Variants in ARHGAP24 observed in about 807,000 individuals in gnomAD.
ARHGAP24 encodes the protein rho GTPase-activating protein 24.
ARHGAP24 carries 50 observed loss-of-function variants against 76.4 expected under a neutral mutation model. The ratio of observed to expected loss-of-function variants is 0.65; its 90% CI spans 0.52 to 0.83. ARHGAP24 has a LOEUF of 0.83. Ranked by LOEUF, ARHGAP24 falls within the 40% of genes least tolerant of loss-of-function variation. ARHGAP24 has a pLI of 0.00. For missense variants in ARHGAP24, 930 were observed against 914.2 expected (o/e 1.02, Z -0.22); for synonymous variants, 345 against 323.3 (o/e 1.07, Z -0.72).
At position 85,509,005 on chromosome 4, in the gene ARHGAP24, C is replaced by G. The variant is rs1724171206; in HGVS notation, c.-21+33446C>G. Among the ~76,000 whole-genome samples, 2 of 152,020 alleles carry G rather than the reference C, an allele frequency of 1.3e-5. 1 individual carries two copies. Among genetic ancestry groups the G allele is most frequent in the South Asian group, 4.1e-4 (2 of 4,820 alleles). On this transcript the variant is annotated intron_variant, in intron 1 of 9. Transcript: ENST00000395184. The stretch of plus-strand genomic sequence containing the variant: ...CAGTCTGTTTCTGCATAAACTATCA[C>G]TGCATTGTCTGAAGTTTTAGAGAAC...
intron 2 of ARHGAP24, among the ~76,000 whole-genome samples, chr4:85,588,470 T>G (rs1010410920): frequency 6.6e-6 from 1 of 152,188 alleles, no homozygotes; most frequent in African/African-American, 2.4e-5. Context: ...AAATATCTGT[T>G]TGATAGCACT....
At chr4:85,662,567 G>A (rs1204018737) in intron 2 of ARHGAP24, among the ~76,000 whole-genome samples, 1 of 151,694 alleles carries the variant, frequency 6.6e-6, no homozygotes, top group East Asian at 1.9e-4. Flanking sequence ...ATTGCTTTTG[G>A]TGTTTTAGAC....
At chr4:85,701,330 A>G (rs1724078102) in intron 2 of ARHGAP24, among the ~76,000 whole-genome samples, 1 of 152,014 alleles carries the variant, frequency 6.6e-6, no homozygotes, top group Non-Finnish European at 1.5e-5. Flanking sequence ...TTTTGGTTAC[A>G]TGGGTAAGTT....
At chr4:85,660,437 A>T (rs981028074) in intron 2 of ARHGAP24, among the ~76,000 whole-genome samples, 1 of 152,200 alleles carries the variant, frequency 6.6e-6, no homozygotes, top group Admixed American at 6.5e-5. Context: ...AATAATGCAG[A>T]TGTTCAGGGC....
At chr4:85,477,086 T>C (rs1326019403) in intron 1 of ARHGAP24, among the ~76,000 whole-genome samples, 2 of 152,218 alleles carry the variant, frequency 1.3e-5, no homozygotes, top group Admixed American at 6.5e-5. Context: ...CAGTATATTC[T>C]TGGTGGAAGA....
In ARHGAP24 at chr4:86,001,339, C is replaced by A. The variant is rs1741006634; in HGVS notation, c.*617C>A. The A allele has an allele frequency of 2.5e-6, 1 of 398,936 alleles. No individual in the cohort carries two copies. Among genetic ancestry groups the A allele is most frequent in the Non-Finnish European group, 4.4e-6 (1 of 226,064 alleles). 24.7% of individuals were successfully genotyped at this position (398,936 alleles called of 1,614,324 possible). A position where few individuals can be genotyped will look rare whatever the true frequency, so the allele number is the denominator to read the frequency against. On this transcript the variant is annotated 3_prime_UTR_variant, in exon 10 of 10. Transcript: ENST00000395184. ...GAACCTTTGAGCTGCTTTTAAAATTCTTCCCCTGGCACCACTCAGTTTTGC... is the reference window on the plus strand; with the variant it reads ...GAACCTTTGAGCTGCTTTTAAAATTATTCCCCTGGCACCACTCAGTTTTGC...
intron 3 of ARHGAP24, among the ~76,000 whole-genome samples, chr4:85,889,213 A>G (rs1010958464): frequency 1.1e-4 from 16 of 152,226 alleles, no homozygotes; most frequent in African/African-American, 3.9e-4. Context: ...TGTAAATTCT[A>G]TATGGACATG....
rs559832074 is a variant in ARHGAP24 at position 85,785,678 on chromosome 4, A to C, written c.268+63706A>C. ...TGGAGTAGCCAGAAACCTATCCCAC[A>C]TTTTTTGACACCAGGCTGCCTCATT... On this transcript the variant is annotated intron_variant, in intron 3 of 9. Transcript: ENST00000395184. Among the ~76,000 whole-genome samples, 4 of 152,228 alleles carry C rather than the reference A, an allele frequency of 2.6e-5. 1 individual carries two copies. The highest frequency in any genetic ancestry group is 9.6e-5 in the African/African-American group (4 of 41,560).
intron 3 of ARHGAP24, among the ~76,000 whole-genome samples, chr4:85,761,740 G>A (rs1458197918): frequency 1.3e-5 from 2 of 152,146 alleles, no homozygotes; most frequent in African/African-American, 4.8e-5. Flanking sequence ...TGTAATGAAG[G>A]TGAATTTCAG....
At position 85,995,462 on chromosome 4, in the gene ARHGAP24, A is replaced by T; in HGVS notation, c.1808A>T (p.His603Leu). The T allele has an allele frequency of 6.2e-7, 1 of 1,603,314 alleles. No individual in the cohort carries two copies. Among genetic ancestry groups the T allele is most frequent in the East Asian group, 2.2e-5 (1 of 44,702 alleles). ...LDGPPQDDLS[H>L]PRDYESKSDH... ...GGGCCCCCGCAGGACGACCTTTCCC[A>T]CCCCAGGGACTATGAAAGCAAAAGT... The change falls in exon 9 of 10, where the codon CAC (histidine) becomes CTC (leucine). Residue 603 changes from histidine to leucine, a missense_variant. Transcript: ENST00000395184.
intron 5 of ARHGAP24, among the ~76,000 whole-genome samples, chr4:85,955,971 C>T (rs1435499854): frequency 1.3e-5 from 2 of 152,190 alleles, no homozygotes; most frequent in African/African-American, 4.8e-5. Flanking sequence ...AAAACTCAAA[C>T]TCTAAAGATT....
intron 6 of ARHGAP24, among the ~76,000 whole-genome samples, chr4:85,973,839 T>TTTTTTG (rs1739144517): frequency 1.5e-5 from 1 of 66,006 alleles, no homozygotes; most frequent in African/African-American, 5.6e-5. Context: ...TATTGTTTTT[T>TTTTTTG]TTTTTTTTTT....
At chr4:85,787,568 A>G (rs1727909217) in intron 3 of ARHGAP24, among the ~76,000 whole-genome samples, 1 of 152,204 alleles carries the variant, frequency 6.6e-6, no homozygotes, top group South Asian at 2.1e-4. Context: ...TTTGAGTTTC[A>G]AAAAAATCTA....
Position 85,669,644 on chromosome 4 carries a change from AATATATATATATAT to A in ARHGAP24, c.181-52206_181-52193del, listed in dbSNP as rs58332235. Reference sequence around the variant, plus strand: ...AGACTGCATTGACCCTGTACTTTCAAATATATATATATATATATATATATATATATATATATATA... The same window carrying A: ...AGACTGCATTGACCCTGTACTTTCAAATATATATATATATATATATATATA... On this transcript the variant is annotated intron_variant, in intron 2 of 9. Coordinates refer to ENST00000395184, the MANE Select transcript of ARHGAP24 (RefSeq NM_001025616.3). Among the ~76,000 whole-genome samples the A allele has an allele frequency of 5.7e-3, 530 of 93,212 alleles. 8 individuals are homozygous for A. Among genetic ancestry groups the A allele is most frequent in the African/African-American group, 0.02 (443 of 22,414 alleles). 61.2% of individuals were successfully genotyped at this position (93,212 alleles called of 152,430 possible).
chr4:85,528,404 A>C (rs1326970963), intron 1 of ARHGAP24, among the ~76,000 whole-genome samples: 3 of 152,076 alleles, frequency 2.0e-5, no homozygotes, highest in African/African-American at 7.2e-5. Context: ...AAGGAGAAAA[A>C]TTATGAGTAG....
intron 1 of ARHGAP24, among the ~76,000 whole-genome samples, chr4:85,568,409 G>C (rs1172815295): frequency 1.3e-5 from 2 of 152,114 alleles, no homozygotes; most frequent in African/African-American, 4.8e-5. Flanking sequence ...AATAGGCAGT[G>C]ATGAAACAGC....
At chr4:85,717,159 G>A (rs1350781919) in intron 2 of ARHGAP24, among the ~76,000 whole-genome samples, 1 of 152,006 alleles carries the variant, frequency 6.6e-6, no homozygotes, top group East Asian at 1.9e-4. Flanking sequence ...GCCTTATGGA[G>A]CTTAAATCTT....
At position 85,664,147 on chromosome 4, in the gene ARHGAP24, C is replaced by CT. The variant is rs1456854816; in HGVS notation, c.181-57732dup. Among the ~76,000 whole-genome samples, 355 of 151,434 alleles carry CT rather than the reference C, an allele frequency of 2.3e-3. 4 individuals carry two copies. Among genetic ancestry groups the CT allele is most frequent in the African/African-American group, 8.4e-3 (344 of 40,828 alleles). On this transcript the variant is annotated intron_variant, in intron 2 of 9. Transcript: ENST00000395184. ...CTGTGAATCCATCTGGTCCTGGACT[C>CT]TTTTTTGTTGGTAAGCTATTGATTA... is the stretch of plus-strand genomic sequence containing the variant.
intron 3 of ARHGAP24, among the ~76,000 whole-genome samples, chr4:85,764,917 G>T (rs1254705114): frequency 7.2e-5 from 11 of 152,056 alleles, no homozygotes; most frequent in African/African-American, 2.7e-4. Context: ...CAGTATACTT[G>T]TTCCTTGCCC....
Sources: allele counts gnomAD v4.1 joint callset (sites outside exome capture counted in the v4.1 genomes callset), GRCh38; gene constraint gnomAD v4.1.1; transcripts MANE v1.5; gene names NCBI Gene and HGNC (gene_info 2026-07-23, HGNC 2026-07-21).